GALNS: variants seen among roughly 807,000 people sequenced by gnomAD.
GALNS encodes N-acetylgalactosamine-6-sulfatase.
In GALNS, 65 loss-of-function variants were observed where a neutral mutation model predicts 65.9. The ratio of observed to expected loss-of-function variants is 0.99; its 90% CI spans 0.81 to 1.21. The LOEUF (loss-of-function observed/expected upper bound fraction) is 1.21, where lower values mean the gene tolerates loss of function less well. GALNS is among the 50% of genes most tolerant of loss of function. The pLI, the probability that GALNS is intolerant of heterozygous loss-of-function variation, is 0.00. For missense variants in GALNS, 776 were observed against 700.7 expected (o/e 1.11, Z -1.21); for synonymous variants, 346 against 288.9 (o/e 1.20, Z -2.00).
intron 1 of GALNS, among the ~76,000 whole-genome samples, chr16:88,853,301 C>T (rs1967595451): frequency 1.3e-5 from 2 of 150,940 alleles, no homozygotes; most frequent in Admixed American, 1.3e-4. Context: ...AAATGATTGT[C>T]CACGTTCAGC....
At chr16:88,848,014 C>A (rs1052687306) in intron 1 of GALNS, among the ~76,000 whole-genome samples, 1 of 152,156 alleles carries the variant, frequency 6.6e-6, no homozygotes, top group African/African-American at 2.4e-5. Flanking sequence ...GACTCAGCCA[C>A]GAAAAGGAAT....
chr16:88,855,026 T>C (rs1967721509), intron 1 of GALNS: 2 of 351,424 alleles, frequency 5.7e-6, no homozygotes, highest in Admixed American at 3.8e-5. Context: ...CCCTCCACCC[T>C]GCACGGCCTG....
rs567365460 is a variant in GALNS, at chr16:88,814,247, C to T, written c.*192G>A. On this transcript the variant is annotated 3_prime_UTR_variant, in exon 14 of 14. Transcript: ENST00000268695. ...GTCCTGAAATCTGAGGCGCCGTGGG[C>T]GAGGAGGAGGGCCAAGCACACGCCA... The T allele has an allele frequency of 3.8e-5, 28 of 742,286 alleles. No individual in the cohort carries two copies. The highest frequency in any genetic ancestry group is 8.2e-5 in the South Asian group (5 of 61,004). 46.0% of individuals were successfully genotyped at this position (742,286 alleles called of 1,614,324 possible). A position where few individuals can be genotyped will look rare whatever the true frequency, so the allele number is the denominator to read the frequency against.
At chr16:88,815,479 G>T in intron 13 of GALNS, 1 of 985,488 alleles carries the variant, frequency 1.0e-6, no homozygotes, top group Non-Finnish European at 1.2e-6. Flanking sequence ...GGTGTGTGTG[G>T]ACCTCACAGT....
rs779514329 is a variant in GALNS at position 88,814,519 on chromosome 16, C to A, written c.1489G>T (p.Ala497Ser). 6.4e-7 allele frequency: 1 copy of A among 1,556,160 alleles called. No homozygotes were observed. Among genetic ancestry groups the A allele is most frequent in the Non-Finnish European group, 8.7e-7 (1 of 1,149,376 alleles). The change falls in exon 14 of 14, where the codon GCA becomes TCA. Residue 497 changes from alanine (A) to serine (S), a missense_variant. By Grantham distance (99) the Ala-to-Ser change is moderately conservative. Coordinates refer to ENST00000268695, the MANE Select transcript of GALNS (RefSeq NM_000512.5). ...CCTAACTTTTCACAGCCCGGAGGTG[C>A]CCAGTTCTGGGAAATGAAAATTGAG... is the stretch of plus-strand genomic sequence containing the variant. The part of the protein sequence containing the change: ...NVCNWAVMNW[A>S]PPGCEKLGKC...
At chr16:88,846,634 C>T (rs961937406) in intron 1 of GALNS, among the ~76,000 whole-genome samples, 11 of 151,092 alleles carry the variant, frequency 7.3e-5, no homozygotes, top group Middle Eastern at 3.4e-3. Context: ...CTTTGCCTCT[C>T]GGGTTCAAGC....
Position 88,841,036 on chromosome 16 carries a change from C to G in GALNS, c.378G>C (p.Glu126Asp), listed in dbSNP as rs777768649. Residue 126 changes from glutamate to aspartate, a missense_variant, in exon 4 of 14, where the codon GAG (glutamate) becomes GAC (aspartate). Physicochemically the swap from Glu to Asp is conservative, Grantham distance 45. Transcript: ENST00000268695. Reference sequence around the variant, plus strand: ...TGACGTAGCCGGCCTTCTTCAGAAGCTCCGGCAGGAGCTGCTCCGAGTCTG... The same window carrying G: ...TGACGTAGCCGGCCTTCTTCAGAAGGTCCGGCAGGAGCTGCTCCGAGTCTG... ...GIPDSEQLLP[E>D]LLKKAGYVSK... 6.2e-7 allele frequency: 1 copy of G among 1,613,248 alleles called. No homozygotes were observed. Among genetic ancestry groups the G allele is most frequent in the Admixed American group, 1.7e-5 (1 of 60,028 alleles).
chr16:88,836,625 C>G (rs138005442), intron 5 of GALNS, among the ~76,000 whole-genome samples: 5,012 of 151,944 alleles, frequency 0.033, 128 homozygotes, highest in South Asian at 0.082. Context: ...CTGCAATCCA[C>G]CCTGGGTGAC....
intron 1 of GALNS, chr16:88,856,475 T>C: frequency 1.4e-6 from 1 of 699,932 alleles, no homozygotes; most frequent in Non-Finnish European, 2.6e-6. Flanking sequence ...GCTGTCCCGG[T>C]CATGCAGCAC....
intron 13 of GALNS, chr16:88,817,544 G>A (rs1381674020): frequency 4.1e-6 from 4 of 984,396 alleles, no homozygotes; most frequent in African/African-American, 1.7e-5. Context: ...CAGCCCACCC[G>A]GGACCCACCG....
intron 1 of GALNS, among the ~76,000 whole-genome samples, chr16:88,852,194 C>A (rs1967536311): frequency 6.6e-6 from 1 of 152,216 alleles, no homozygotes; most frequent in African/African-American, 2.4e-5. Context: ...TACTATTCTG[C>A]AATAGTTGCT....
chr16:88,842,888 G>C (rs1407806430), intron 1 of GALNS, 59 bp from the exon 2 acceptor site: 4 of 1,600,132 alleles, frequency 2.5e-6, no homozygotes, highest in South Asian at 1.1e-5. Context: ...TTCTGGCCTG[G>C]GGAGCTGCCC....
chr16:88,840,969 G>A (rs1377251056), intron 4 of GALNS, 23 bp downstream of exon 4: 2 of 1,566,026 alleles, frequency 1.3e-6, no homozygotes, highest in Admixed American at 1.7e-5. Context: ...GGACGCCTGG[G>A]CAGGCGTGGC....
intron 13 of GALNS, chr16:88,817,073 G>A (rs113667925): frequency 2.5e-5 from 25 of 985,446 alleles, no homozygotes; most frequent in African/African-American, 1.9e-4. Flanking sequence ...TGAAGGAGCT[G>A]TGAAGACCTG....
At chr16:88,842,058 G>C in intron 2 of GALNS, 87 bp from the exon 3 acceptor site, 1 of 1,190,122 alleles carries the variant, frequency 8.4e-7, no homozygotes, top group East Asian at 2.5e-5. Context: ...CGAGTAGACA[G>C]ACGCGTGACA....
chr16:88,829,215 G>A (rs1911237872), intron 9 of GALNS, among the ~76,000 whole-genome samples: 2 of 152,132 alleles, frequency 1.3e-5, no homozygotes, highest in South Asian at 4.1e-4. Flanking sequence ...AGTGTTCACT[G>A]AGTGACCACC....
At chr16:88,823,430 G>C (rs533729991) in intron 11 of GALNS, among the ~76,000 whole-genome samples, 1 of 152,400 alleles carries the variant, frequency 6.6e-6, no homozygotes, top group South Asian at 2.1e-4. Flanking sequence ...CCCAGAGCGG[G>C]TGCTGCAGGC....
At chr16:88,836,628 T>G (rs1185765205) in intron 5 of GALNS, among the ~76,000 whole-genome samples, 17 of 150,112 alleles carry the variant, frequency 1.1e-4, no homozygotes, top group Admixed American at 3.3e-4. Flanking sequence ...CAATCCACCC[T>G]GGGTGACAGA....
In GALNS at chr16:88,822,671, T is replaced by C. The variant is rs771363009; in HGVS notation, c.1282A>G (p.Thr428Ala). Reference sequence around the variant, plus strand: ...GTGTGGTCTTCCAGATTGTGAGTTGTGACCCCTGAAACGTTCTGCCCAGGG... The same window carrying C: ...GTGTGGTCTTCCAGATTGTGAGTTGCGACCCCTGAAACGTTCTGCCCAGGG... ...FCPGQNVSGV[T>A]THNLEDHTKL... Residue 428 changes from threonine to alanine, a missense_variant, in exon 12 of 14, where the codon ACA becomes GCA. Coordinates refer to ENST00000268695, the MANE Select transcript of GALNS (RefSeq NM_000512.5). 6.2e-7 allele frequency: 1 copy of C among 1,613,130 alleles called. No individual in the cohort carries two copies. Among genetic ancestry groups the C allele is most frequent in the Admixed American group, 1.7e-5 (1 of 59,998 alleles).
Sources: allele counts gnomAD v4.1 joint callset (sites outside exome capture counted in the v4.1 genomes callset), GRCh38; gene constraint gnomAD v4.1.1; transcripts MANE v1.5; gene names NCBI Gene and HGNC (gene_info 2026-07-23, HGNC 2026-07-21).